LHFPL3: variants seen among roughly 807,000 people sequenced by gnomAD.
LHFPL3 encodes LHFPL tetraspan subfamily member 3 protein.
LHFPL3 carries 5 observed loss-of-function variants against 19.3 expected under a neutral mutation model. The ratio of observed to expected loss-of-function variants is 0.26; its 90% CI spans 0.14 to 0.54. The LOEUF (loss-of-function observed/expected upper bound fraction) is 0.54. Ranked by LOEUF, LHFPL3 falls within the 20% of genes least tolerant of loss-of-function variation. The probability of loss-of-function intolerance (pLI) is 0.94; values close to 1 mark genes in which losing one functional copy is unlikely to be tolerated. For synonymous variants in LHFPL3, 133 were observed against 126.2 expected (o/e 1.05, Z -0.36); for missense variants, 249 against 307.4 (o/e 0.81, Z 1.42).
intron 2 of LHFPL3, among the ~76,000 whole-genome samples, chr7:104,851,568 T>G (rs1282434612): frequency 2.0e-5 from 3 of 152,190 alleles, no homozygotes; most frequent in African/African-American, 7.2e-5. Flanking sequence ...CTGGAAAAAT[T>G]AAGTTCATAT....
intron 1 of LHFPL3, among the ~76,000 whole-genome samples, chr7:104,442,565 A>G (rs1490913735): frequency 4.6e-5 from 7 of 152,156 alleles, no homozygotes; most frequent in Non-Finnish European, 7.3e-5. Flanking sequence ...AGCAAGTTAT[A>G]TTTAGGAACC....
intron 1 of LHFPL3, among the ~76,000 whole-genome samples, chr7:104,635,798 A>C (rs768535240): frequency 1.3e-5 from 2 of 152,220 alleles, no homozygotes; most frequent in Admixed American, 6.6e-5. Context: ...CCAGCAGGAA[A>C]GCTCTGCCCA....
chr7:104,873,935 G>C (rs1791884267), intron 2 of LHFPL3, among the ~76,000 whole-genome samples: 1 of 152,252 alleles, frequency 6.6e-6, no homozygotes, highest in South Asian at 2.1e-4. Flanking sequence ...CAGAAATGGT[G>C]GGGGCAGGGG....
chr7:104,643,627 C>T (rs1387541143), intron 1 of LHFPL3, among the ~76,000 whole-genome samples: 1 of 152,198 alleles, frequency 6.6e-6, no homozygotes, highest in African/African-American at 2.4e-5. Flanking sequence ...GCACTGGAAT[C>T]ACCCAAAGAG....
chr7:104,336,655 T>C (rs1040800305), intron 1 of LHFPL3, among the ~76,000 whole-genome samples: 2 of 152,162 alleles, frequency 1.3e-5, no homozygotes, highest in African/African-American at 4.8e-5. Flanking sequence ...AGAATTGCCA[T>C]ACTTGAGTTC....
intron 1 of LHFPL3, among the ~76,000 whole-genome samples, chr7:104,421,129 T>G (rs1348759806): frequency 2.0e-5 from 3 of 152,102 alleles, no homozygotes; most frequent in African/African-American, 7.2e-5. Context: ...AAATACATAC[T>G]CAATGAAGTA....
intron 1 of LHFPL3, among the ~76,000 whole-genome samples, chr7:104,452,868 G>A (rs1422688178): frequency 6.6e-6 from 1 of 152,142 alleles, no homozygotes; most frequent in Non-Finnish European, 1.5e-5. Context: ...TAAAGCACTG[G>A]TAAATTAAAA....
chr7:104,517,070 C>T (rs1157512215), intron 1 of LHFPL3, among the ~76,000 whole-genome samples: 1 of 152,106 alleles, frequency 6.6e-6, no homozygotes, highest in Admixed American at 6.6e-5. Flanking sequence ...CATGTTCTCA[C>T]TTATAAGTGG....
chr7:104,364,027 C>CAGAATAAACA (rs976627395), intron 1 of LHFPL3, among the ~76,000 whole-genome samples: 1 of 152,184 alleles, frequency 6.6e-6, no homozygotes, highest in Non-Finnish European at 1.5e-5. Context: ...ACAAGTGCTG[C>CAGAATAAACA]AGCTGAAGCT....
At position 104,575,009 on chromosome 7, in the gene LHFPL3, A is replaced by T. The variant is rs191896745; in HGVS notation, c.446-161666A>T. ...CACTAGACAATGGTAACTGCTTTTGATGACTAAGTAATTCATTAATCATTA... is the reference window on the plus strand; with the variant it reads ...CACTAGACAATGGTAACTGCTTTTGTTGACTAAGTAATTCATTAATCATTA... On this transcript the variant is annotated intron_variant, in intron 1 of 2. Coordinates refer to ENST00000424859, the MANE Select transcript of LHFPL3 (RefSeq NM_199000.3). 3.1e-3 allele frequency among the ~76,000 whole-genome samples: 475 copies of T among 152,380 alleles called. 5 individuals carry two copies. Among genetic ancestry groups the T allele is most frequent in the African/African-American group, 9.9e-3 (410 of 41,596 alleles).
intron 1 of LHFPL3, among the ~76,000 whole-genome samples, chr7:104,465,496 A>G (rs535432853): frequency 6.6e-6 from 1 of 152,218 alleles, no homozygotes; most frequent in African/African-American, 2.4e-5. Flanking sequence ...TTGGTAATTT[A>G]TGAAGGAAAG....
rs1562926670 is a variant in LHFPL3, at chr7:104,528,888, C to A, written c.445+199664C>A. On this transcript the variant is annotated intron_variant, in intron 1 of 2. Coordinates refer to ENST00000424859, the MANE Select transcript of LHFPL3 (RefSeq NM_199000.3). ...GGTGTAAGGGATAGGAAATCCAACT[C>A]AAACTGGCTTGAACAGAAAAGGAAA... 2.0e-5 allele frequency among the ~76,000 whole-genome samples: 3 copies of A among 152,160 alleles called. No individual in the cohort carries two copies. In the East Asian group the frequency reaches 5.8e-4, roughly 29 times the overall value.
At chr7:104,581,827 G>A (rs1259232440) in intron 1 of LHFPL3, among the ~76,000 whole-genome samples, 1 of 151,728 alleles carries the variant, frequency 6.6e-6, no homozygotes, top group Admixed American at 6.6e-5. Context: ...CTCTCTATTT[G>A]GTTTCATTGA....
chr7:104,443,633 A>G (rs139752642), intron 1 of LHFPL3, among the ~76,000 whole-genome samples: 103 of 152,362 alleles, frequency 6.8e-4, no homozygotes, highest in African/African-American at 2.4e-3. Context: ...AAAAAATTCC[A>G]TAATCCCAGA....
intron 1 of LHFPL3, among the ~76,000 whole-genome samples, chr7:104,492,328 C>G (rs1252072623): frequency 6.6e-6 from 1 of 152,134 alleles, no homozygotes; most frequent in African/African-American, 2.4e-5. Context: ...AAGCACTGGA[C>G]CATCAGGGCA....
chr7:104,376,257 G>T (rs1397372133), intron 1 of LHFPL3, among the ~76,000 whole-genome samples: 1 of 152,212 alleles, frequency 6.6e-6, no homozygotes, highest in East Asian at 1.9e-4. Flanking sequence ...AGATGCTGGG[G>T]AGTATAGTGG....
intron 1 of LHFPL3, among the ~76,000 whole-genome samples, chr7:104,708,213 T>C (rs1255582272): frequency 6.6e-6 from 1 of 152,218 alleles, no homozygotes; most frequent in East Asian, 1.9e-4. Context: ...CATTCTAAGA[T>C]ATGACACTGA....
intron 1 of LHFPL3, among the ~76,000 whole-genome samples, chr7:104,395,401 C>A (rs1354603465): frequency 6.6e-6 from 1 of 152,190 alleles, no homozygotes; most frequent in Non-Finnish European, 1.5e-5. Context: ...CAGTGACTTA[C>A]CTGTGTGCTC....
intron 2 of LHFPL3, among the ~76,000 whole-genome samples, chr7:104,748,187 T>C (rs957752470): frequency 1.3e-5 from 2 of 150,952 alleles, no homozygotes; most frequent in South Asian, 4.2e-4. Context: ...CACTCCCTAA[T>C]CTCAAGTACC....
Sources: gnomAD v4.1 joint callset for allele counts (sites outside exome capture counted in the v4.1 genomes callset) on GRCh38, gnomAD v4.1.1 for gene constraint, MANE v1.5 for transcripts, NCBI Gene and HGNC (gene_info 2026-07-23, HGNC 2026-07-21) for gene names.